The following ATCAY variants were observed in gnomAD, a reference collection of about 807,000 sequenced individuals.
ATCAY encodes caytaxin.
ATCAY carries 22 observed loss-of-function variants against 47.7 expected under a neutral mutation model. The observed-to-expected ratio is 0.46, with a 90% confidence interval of 0.33 to 0.66. The LOEUF is 0.66. Ranked by LOEUF, ATCAY falls within the 30% of genes least tolerant of loss-of-function variation. ATCAY has a pLI of 0.02. For synonymous variants in ATCAY, 216 were observed against 207.6 expected (o/e 1.04, Z -0.35); for missense variants, 452 against 515.0 (o/e 0.88, Z 1.18).
intron 12 of ATCAY, among the ~76,000 whole-genome samples, chr19:3,922,942 TCAC>T (rs1304771498): frequency 2.0e-5 from 3 of 152,146 alleles, no homozygotes; most frequent in Non-Finnish European, 4.4e-5. Context: ...AGACGGGGTT[TCAC>T]CATGTTAGCC....
At chr19:3,899,994 T>A (rs1305243746) in intron 2 of ATCAY, among the ~76,000 whole-genome samples, 1 of 152,080 alleles carries the variant, frequency 6.6e-6, no homozygotes, top group African/African-American at 2.4e-5. Flanking sequence ...GAACCTAGTT[T>A]CTCCCATAAT....
intron 12 of ATCAY, 179 bp downstream of exon 12, chr19:3,920,977 A>G: frequency 1.4e-6 from 1 of 725,620 alleles, no homozygotes; most frequent in Admixed American, 2.1e-5. Flanking sequence ...GGGATACGGC[A>G]CCGGGAAGGC....
intron 2 of ATCAY, among the ~76,000 whole-genome samples, chr19:3,892,136 C>T (rs1003030008): frequency 3.3e-5 from 5 of 151,726 alleles, no homozygotes; most frequent in Admixed American, 6.6e-5. Context: ...GTGATCCACC[C>T]GCCTCAGCTT....
chr19:3,898,625 T>G (rs1352265192), intron 2 of ATCAY, among the ~76,000 whole-genome samples: 2 of 152,328 alleles, frequency 1.3e-5, no homozygotes, highest in South Asian at 4.1e-4. Context: ...TAGTATTCCA[T>G]TGAATGGATA....
Position 3,921,437 on chromosome 19 carries a change from G to GA in ATCAY, c.1106+649dup, listed in dbSNP as rs1052875908. ...AGGGCTAGACTTTGTCTCAAAAAAAGAAAAAAAAAAGGAAAGAAAAGAAAA... is the reference window on the plus strand; with the variant it reads ...AGGGCTAGACTTTGTCTCAAAAAAAGAAAAAAAAAAAGGAAAGAAAAGAAAA... On this transcript the variant is annotated intron_variant, in intron 12 of 12. Transcript: ENST00000450849. Among the ~76,000 whole-genome samples, 687 of 141,856 alleles carry GA rather than the reference G, an allele frequency of 4.8e-3. 6 individuals carry two copies. The highest frequency in any genetic ancestry group is 0.017 in the African/African-American group (648 of 38,708). 93.1% of individuals were successfully genotyped at this position (141,856 alleles called of 152,430 possible). A position where few individuals can be genotyped will look rare whatever the true frequency, so the allele number is the denominator to read the frequency against.
At chr19:3,894,312 G>A (rs568531488) in intron 2 of ATCAY, among the ~76,000 whole-genome samples, 160 of 151,814 alleles carry the variant, frequency 1.1e-3, no homozygotes, top group African/African-American at 3.8e-3. Flanking sequence ...GTGAAACCCC[G>A]TCTCTACTAA....
intron 11 of ATCAY, among the ~76,000 whole-genome samples, chr19:3,919,389 C>T (rs1311686374): frequency 6.6e-6 from 1 of 151,838 alleles, no homozygotes; most frequent in African/African-American, 2.4e-5. Context: ...GCCAAGAGAT[C>T]GAGACCAGCC....
intron 1 of ATCAY, 72 bp from the exon 2 acceptor site, chr19:3,885,655 G>A: frequency 1.1e-5 from 9 of 794,398 alleles, no homozygotes; most frequent in Non-Finnish European, 1.8e-5. Flanking sequence ...AGGGGGAAGA[G>A]CTGCATGGGG....
rs751953427 is a variant in ATCAY, at chr19:3,909,613, C to T, written c.775C>T (p.Arg259Trp). The T allele has an allele frequency of 8.2e-6, 13 of 1,589,332 alleles. No individual in the cohort carries two copies. Among genetic ancestry groups the T allele is most frequent in the Non-Finnish European group, 1.1e-5 (13 of 1,167,940 alleles). ...WLKKCYQMID[R>W]RLRKNLKSLI... ...GAAGAAGTGCTACCAGATGATCGACCGGAGGTGAGGTGGGGATGCCTCAGG... is the reference window on the plus strand; with the variant it reads ...GAAGAAGTGCTACCAGATGATCGACTGGAGGTGAGGTGGGGATGCCTCAGG... The change falls in exon 7 of 13, where the codon CGG (arginine) becomes TGG (tryptophan). Residue 259 changes from arginine (R) to tryptophan (W), a missense_variant. Transcript: ENST00000450849.
chr19:3,914,161 C>A (rs866748659), intron 9 of ATCAY, among the ~76,000 whole-genome samples: 42 of 137,086 alleles, frequency 3.1e-4, no homozygotes, highest in African/African-American at 9.1e-4. Flanking sequence ...GCGTGAACCC[C>A]GGAGGCGGAG....
chr19:3,916,566 T>C (rs1477527355), intron 9 of ATCAY, among the ~76,000 whole-genome samples: 6 of 152,226 alleles, frequency 3.9e-5, no homozygotes, highest in Non-Finnish European at 8.8e-5. Flanking sequence ...CTATCTTGGC[T>C]CGCTGCAACC....
At chr19:3,902,034 C>T (rs114751166) in intron 2 of ATCAY, among the ~76,000 whole-genome samples, 2,125 of 151,870 alleles carry the variant, frequency 0.014, 60 homozygotes, top group African/African-American at 0.049. Flanking sequence ...AAAAAACATG[C>T]GCTTGTGGTG....
Position 3,907,719 on chromosome 19 carries a change from G to A in ATCAY, c.359-15G>A, listed in dbSNP as rs200944925. On this transcript the variant is annotated splice_polypyrimidine_tract_variant and intron_variant, in intron 4 of 12. Transcript: ENST00000450849. This position sits in a 1 kb window ranked among gnomAD's most constrained non-coding sequence, Gnocchi z 5.1. ...GACTCTGGCGTCCATGCGACTCTCC[G>A]CCACCTGCTTCTAGACGACACCCCC... 1.3e-4 allele frequency: 208 copies of A among 1,613,606 alleles called. 1 individual carries two copies. The highest frequency in any genetic ancestry group is 9.7e-4 in the Admixed American group (58 of 59,912).
At chr19:3,896,896 C>A (rs987206700) in intron 2 of ATCAY, among the ~76,000 whole-genome samples, 3 of 152,130 alleles carry the variant, frequency 2.0e-5, no homozygotes, top group Non-Finnish European at 4.4e-5. Flanking sequence ...CCTGCCTCAG[C>A]CTCACCAATA....
At chr19:3,906,622 A>G (rs1454164919) in intron 4 of ATCAY, among the ~76,000 whole-genome samples, 1 of 152,000 alleles carries the variant, frequency 6.6e-6, no homozygotes, top group African/African-American at 2.4e-5. Flanking sequence ...AATTTGATGC[A>G]TATTTTTCTT....
Position 3,905,601 on chromosome 19 carries a change from G to A in ATCAY, c.304G>A (p.Asp102Asn), listed in dbSNP as rs778505413. The A allele has an allele frequency of 4.3e-6, 7 of 1,613,576 alleles. No individual in the cohort carries two copies. The highest frequency in any genetic ancestry group is 2.7e-5 in the African/African-American group (2 of 74,820). Reference sequence around the variant, plus strand: ...TAACGTGGATGACATCGAGACCCCCGATGAGACCGACTCGCTGGAGTTCCT... The same window carrying A: ...TAACGTGGATGACATCGAGACCCCCAATGAGACCGACTCGCTGGAGTTCCT... The part of the protein sequence containing the change: ...DINVDDIETP[D>N]ETDSLEFLGN... Residue 102 changes from aspartate to asparagine, a missense_variant, in exon 4 of 13, where the codon GAT (aspartate) becomes AAT (asparagine). Transcript: ENST00000450849.
At chr19:3,891,011 G>A (rs563463212) in intron 2 of ATCAY, among the ~76,000 whole-genome samples, 3 of 151,748 alleles carry the variant, frequency 2.0e-5, no homozygotes, top group African/African-American at 7.2e-5. Flanking sequence ...TGCCCTTAAG[G>A]GTGTCAGACA....
chr19:3,914,209 C>G (rs1290150935), intron 9 of ATCAY, among the ~76,000 whole-genome samples: 1 of 120,728 alleles, frequency 8.3e-6, no homozygotes, highest in East Asian at 2.5e-4. Context: ...GCACTCCAGC[C>G]TGGGCCACAG....
intron 3 of ATCAY, 122 bp downstream of exon 3, chr19:3,902,667 T>G: frequency 9.1e-7 from 1 of 1,104,294 alleles, no homozygotes; most frequent in Non-Finnish European, 1.3e-6. Context: ...TGTTCTGTCC[T>G]GGGGTCTATG....
Sources: gnomAD v4.1 joint callset for allele counts (sites outside exome capture counted in the v4.1 genomes callset) on GRCh38, gnomAD v4.1.1 for gene constraint, Gnocchi (gnomAD v3.1) non-coding constraint, MANE v1.5 for transcripts, NCBI Gene and HGNC (gene_info 2026-07-23, HGNC 2026-07-21) for gene names.